Variants in SORCS3 observed in about 807,000 individuals in gnomAD.
SORCS3 encodes the protein sortilin related VPS10 domain containing receptor 3.
In SORCS3, 57 loss-of-function variants were observed where a neutral mutation model predicts 146.3. The ratio of observed to expected loss-of-function variants is 0.39; its 90% CI spans 0.31 to 0.49. SORCS3 has a LOEUF of 0.49. Ranked by LOEUF, SORCS3 falls within the 20% of genes least tolerant of loss-of-function variation. The pLI is 0.92. For synonymous variants in SORCS3, 653 were observed against 618.5 expected, an observed-to-expected ratio of 1.06 and a Z score of -0.83; for missense variants, 1,341 against 1,575.5, an observed-to-expected ratio of 0.85 and a Z score of 2.52.
At position 104,915,837 on chromosome 10, in the gene SORCS3, A is replaced by G. The variant is rs957728037; in HGVS notation, c.700A>G (p.Thr234Ala). ...SVTESSLWRSTDYGTTYEKLN... is the reference protein window; with the variant it reads ...SVTESSLWRSADYGTTYEKLN... ...TGTTTTCTCTTTTACCTGCAGGTCG[A>G]CAGATTATGGCACCACCTATGAAAA... The change falls in exon 3 of 27, where the codon ACA (threonine) becomes GCA (alanine). Residue 234 changes from threonine (T) to alanine (A), a missense_variant. Coordinates refer to ENST00000369701, the MANE Select transcript of SORCS3 (RefSeq NM_014978.3). 1.9e-6 allele frequency: 3 copies of G among 1,614,012 alleles called. No homozygotes were observed. The highest frequency in any genetic ancestry group is 2.5e-6 in the Non-Finnish European group (3 of 1,179,908).
At chr10:104,650,829 C>G (rs1317514704) in intron 1 of SORCS3, among the ~76,000 whole-genome samples, 2 of 152,196 alleles carry the variant, frequency 1.3e-5, no homozygotes, top group African/African-American at 4.8e-5. Context: ...GCTCTCAGGT[C>G]CCACGTGCCT....
chr10:104,904,262 A>G (rs1029225414), intron 2 of SORCS3, among the ~76,000 whole-genome samples: 2 of 152,228 alleles, frequency 1.3e-5, no homozygotes, highest in African/African-American at 4.8e-5. Context: ...ATCTATGTAC[A>G]GGAATTTCAA....
chr10:104,835,025 T>G (rs1323300547), intron 1 of SORCS3, among the ~76,000 whole-genome samples: 2 of 152,116 alleles, frequency 1.3e-5, no homozygotes, highest in Admixed American at 6.5e-5. Flanking sequence ...GACAAGTTGG[T>G]GTCTCTTGTA....
At chr10:104,937,876 CATGT>C (rs755404073) in intron 3 of SORCS3, among the ~76,000 whole-genome samples, 1 of 152,138 alleles carries the variant, frequency 6.6e-6, no homozygotes, top group African/African-American at 2.4e-5. Flanking sequence ...TCTGGCAGTG[CATGT>C]GTGTGCTTTT....
chr10:105,237,234 C>T (rs536071706), intron 20 of SORCS3, among the ~76,000 whole-genome samples: 1 of 152,058 alleles, frequency 6.6e-6, no homozygotes, highest in South Asian at 2.1e-4. Context: ...GAGTCCAGAC[C>T]GAATCTTCTT....
chr10:104,971,500 C>T (rs759309587), intron 3 of SORCS3, among the ~76,000 whole-genome samples: 8 of 152,164 alleles, frequency 5.3e-5, no homozygotes, highest in African/African-American at 1.7e-4. Flanking sequence ...GCTCATGGAG[C>T]TAGGGTATAC....
intron 1 of SORCS3, among the ~76,000 whole-genome samples, chr10:104,721,972 C>G (rs111549429): frequency 9.8e-4 from 149 of 152,206 alleles, no homozygotes; most frequent in Middle Eastern, 3.4e-3. Flanking sequence ...CCTTTATTTC[C>G]TTCTCCTGCC....
At chr10:104,939,507 T>A (rs2019290602) in intron 3 of SORCS3, among the ~76,000 whole-genome samples, 2 of 144,874 alleles carry the variant, frequency 1.4e-5, no homozygotes, top group Non-Finnish European at 3.0e-5. Context: ...TGGCTCCTCT[T>A]ATGACAGTCC....
intron 13 of SORCS3, among the ~76,000 whole-genome samples, chr10:105,175,138 C>G (rs893620440): frequency 1.3e-5 from 2 of 152,162 alleles, no homozygotes; most frequent in Non-Finnish European, 2.9e-5. Context: ...ACCTCTGCCT[C>G]CCAGATTCAA....
intron 4 of SORCS3, among the ~76,000 whole-genome samples, chr10:104,983,659 T>C (rs550634681): frequency 6.6e-6 from 1 of 152,224 alleles, no homozygotes; most frequent in South Asian, 2.1e-4. Context: ...TGTTTTTTTC[T>C]GTTAATAACA....
chr10:104,991,497 T>C (rs2133662842), intron 4 of SORCS3, among the ~76,000 whole-genome samples: 1 of 151,164 alleles, frequency 6.6e-6, no homozygotes, highest in East Asian at 1.9e-4. Flanking sequence ...TGATTTCCTC[T>C]TCTTCCTTTT....
intron 2 of SORCS3, among the ~76,000 whole-genome samples, chr10:104,877,287 C>T (rs2018586239): frequency 6.6e-6 from 1 of 151,992 alleles, no homozygotes; most frequent in African/African-American, 2.4e-5. Flanking sequence ...TCTTTCTTTC[C>T]ACCCTTTCTT....
At chr10:105,064,684 GC>G (rs1225731735) in intron 5 of SORCS3, among the ~76,000 whole-genome samples, 1 of 152,168 alleles carries the variant, frequency 6.6e-6, no homozygotes, top group Non-Finnish European at 1.5e-5. Context: ...GGGTATCTCA[GC>G]TTTGGGGAAG....
chr10:104,947,610 TTTTG>T lies in SORCS3; in HGVS notation c.796-29713_796-29710del, dbSNP rs572289948. Among the ~76,000 whole-genome samples, 437 of 152,166 alleles carry T rather than the reference TTTTG, an allele frequency of 2.9e-3. 1 individual carries two copies. Among genetic ancestry groups the T allele is most frequent in the African/African-American group, 9.7e-3 (404 of 41,534 alleles). ...ATGACCTAGCACTGGATGTTGTATT[TTTTG>T]TTTGTTTGTTTTGTTGTTGTTGTTT... On this transcript the variant is annotated intron_variant, in intron 3 of 26. Transcript: ENST00000369701.
intron 15 of SORCS3, among the ~76,000 whole-genome samples, 158 bp downstream of exon 15, chr10:105,200,274 G>A (rs998927286): frequency 6.6e-6 from 1 of 152,136 alleles, no homozygotes; most frequent in African/African-American, 2.4e-5. Flanking sequence ...ACACACTCAG[G>A]TCCAGTAGGG....
chr10:104,966,042 A>G (rs964491690), intron 3 of SORCS3, among the ~76,000 whole-genome samples: 4 of 152,002 alleles, frequency 2.6e-5, no homozygotes, highest in Non-Finnish European at 5.9e-5. Context: ...AATAATCCCA[A>G]CTGCAGCATC....
At chr10:104,977,793 G>A (rs992553298) in intron 4 of SORCS3, among the ~76,000 whole-genome samples, 15 of 144,842 alleles carry the variant, frequency 1.0e-4, no homozygotes, top group Admixed American at 7.8e-4. Flanking sequence ...GTGCAGTGGC[G>A]CGATCTTGGC....
intron 1 of SORCS3, among the ~76,000 whole-genome samples, chr10:104,689,540 A>T (rs796422204): frequency 3.9e-5 from 6 of 152,278 alleles, no homozygotes; most frequent in African/African-American, 1.4e-4. Flanking sequence ...CTCACTGTTC[A>T]TGAGATCTCA....
chr10:104,860,407 T>C (rs2018386919), intron 2 of SORCS3, among the ~76,000 whole-genome samples: 1 of 100,020 alleles, frequency 1.0e-5, no homozygotes, highest in African/African-American at 3.8e-5. Context: ...CATCACACTC[T>C]GGGGACTGTT....
Sources: gnomAD v4.1 joint callset for allele counts (sites outside exome capture counted in the v4.1 genomes callset) on GRCh38, gnomAD v4.1.1 for gene constraint, MANE v1.5 for transcripts, NCBI Gene and HGNC (gene_info 2026-07-23, HGNC 2026-07-21) for gene names.